The following OXNAD1 variants were observed in gnomAD, a reference collection of about 807,000 sequenced individuals.
The protein encoded by OXNAD1 is oxidoreductase NAD-binding domain-containing protein 1.
In OXNAD1, 34 loss-of-function variants were observed where a neutral mutation model predicts 32.9. The ratio of observed to expected loss-of-function variants is 1.03; its 90% CI spans 0.79 to 1.38. OXNAD1 has a LOEUF of 1.38. Among genes scored for constraint, OXNAD1 ranks in the 40% most tolerant of loss-of-function variants. The pLI is 0.00. For synonymous variants in OXNAD1, 134 were observed against 135.2 expected (o/e 0.99, Z 0.06); for missense variants, 407 against 379.4 (o/e 1.07, Z -0.60).
Position 16,288,620 on chromosome 3 carries a change from T to C in OXNAD1, c.290+2172T>C, listed in dbSNP as rs974428428. Among the ~76,000 whole-genome samples, 5 of 152,172 alleles carry C rather than the reference T, an allele frequency of 3.3e-5. No individual in the cohort carries two copies. Among genetic ancestry groups the C allele is most frequent in the African/African-American group, 4.8e-5 (2 of 41,428 alleles). On this transcript the variant is annotated intron_variant, in intron 5 of 8. Transcript: ENST00000285083. The surrounding 1 kb of genome is among the most constrained non-coding windows in gnomAD (Gnocchi z 5.1). Reference sequence around the variant, plus strand: ...GCCTTGCAGAGAGGGCTGGTTCCTGTAGCAATAAACCAGTTCCAAGAACTG... The same window carrying C: ...GCCTTGCAGAGAGGGCTGGTTCCTGCAGCAATAAACCAGTTCCAAGAACTG...
intron 5 of OXNAD1, 119 bp downstream of exon 5, chr3:16,286,567 C>A: frequency 1.3e-6 from 1 of 782,016 alleles, no homozygotes. Context: ...AATTCTAAAT[C>A]ATATCTGCTC....
At chr3:16,338,031 G>C (rs530581497), downstream of OXNAD1, among the ~76,000 whole-genome samples, 40 of 152,224 alleles carry the variant, frequency 2.6e-4, no homozygotes, top group African/African-American at 9.6e-4. This position sits in a 1 kb window ranked among gnomAD's most constrained non-coding sequence, Gnocchi z 5.3. Flanking sequence ...TGTTGCCCTG[G>C]CTTCTCCTAA....
chr3:16,302,018 C>A lies in OXNAD1; in HGVS notation c.675+150C>A. The stretch of plus-strand genomic sequence containing the variant: ...ATGCTTAAATGAGAACTAACCAACA[C>A]ACCTTACCCAAGACAAGTAAAACTG... On this transcript the variant is annotated intron_variant, in intron 7 of 8. Coordinates refer to ENST00000285083, the MANE Select transcript of OXNAD1 (RefSeq NM_138381.5). This position sits in a 1 kb window ranked among gnomAD's most constrained non-coding sequence, Gnocchi z 4.2. The A allele has an allele frequency of 9.9e-7, 1 of 1,011,586 alleles. No homozygotes were observed. The highest frequency in any genetic ancestry group is 1.4e-6 in the Non-Finnish European group (1 of 709,172). 62.7% of individuals were successfully genotyped at this position (1,011,586 alleles called of 1,614,324 possible).
chr3:16,318,058 T>C (rs489956), intron 9 of OXNAD1, among the ~76,000 whole-genome samples: 88,551 of 151,992 alleles, frequency 0.58, 25,959 homozygotes, highest in African/African-American at 0.66. Context: ...AAGCATTTCC[T>C]GGTGTGACAG....
At chr3:16,283,755 G>T (rs2065902752) in intron 4 of OXNAD1, among the ~76,000 whole-genome samples, 1 of 152,176 alleles carries the variant, frequency 6.6e-6, no homozygotes, top group African/African-American at 2.4e-5. Flanking sequence ...TACAGAAGAA[G>T]TGAGAGAAGG....
At chr3:16,300,058 T>C (rs540572226) in intron 6 of OXNAD1, among the ~76,000 whole-genome samples, 1 of 152,300 alleles carries the variant, frequency 6.6e-6, no homozygotes, top group East Asian at 1.9e-4. Context: ...CTGGATTTCA[T>C]AGGGGCTATG....
chr3:16,340,932 T>TA, downstream of OXNAD1, among the ~76,000 whole-genome samples: 1 of 152,188 alleles, frequency 6.6e-6, no homozygotes. Flanking sequence ...TTATCCAAAA[T>TA]ATACAAAGAA....
At chr3:16,338,251 C>T (rs952339410), downstream of OXNAD1, among the ~76,000 whole-genome samples, 3 of 152,222 alleles carry the variant, frequency 2.0e-5, no homozygotes, top group African/African-American at 7.2e-5. This position sits in a 1 kb window ranked among gnomAD's most constrained non-coding sequence, Gnocchi z 5.3. Flanking sequence ...CCCACACACA[C>T]CTGCATGAGC....
chr3:16,316,749 A>G lies in OXNAD1; in HGVS notation c.*30+13157A>G, dbSNP rs189954009. The G allele has an allele frequency of 1.7e-4, 267 of 1,566,250 alleles. No individual in the cohort carries two copies. The East Asian group carries it at 5.8e-3, about 34-fold the overall frequency. ...GGTAGGTAACACACAACACCAGGGA[A>G]ACCAGCCCCCAAACCAGCTGTTGGT... On this transcript the variant is annotated intron_variant, in intron 9 of 9. Transcript: ENST00000435829. This position sits in a 1 kb window ranked among gnomAD's most constrained non-coding sequence, Gnocchi z 4.5.
chr3:16,337,331 A>G (rs1291377617), downstream of OXNAD1: 1 of 152,224 alleles, frequency 6.6e-6, no homozygotes, highest in African/African-American at 2.4e-5. The surrounding 1 kb of genome is among the most constrained non-coding windows in gnomAD (Gnocchi z 5.0). Flanking sequence ...TTAACTCACT[A>G]AGCTTTGGGG....
rs974603560 is a variant in OXNAD1 at position 16,287,978 on chromosome 3, G to C, written c.290+1530G>C. Among the ~76,000 whole-genome samples, 1 of 152,300 alleles carries C rather than the reference G, an allele frequency of 6.6e-6. No homozygotes were observed. The highest frequency in any genetic ancestry group is 2.4e-5 in the African/African-American group (1 of 41,556). ...CGGGTAAGGATCACTGGCTGGTAGT[G>C]TGTGACGCTTTCCCTCCCAGGTGTT... On this transcript the variant is annotated intron_variant, in intron 5 of 8. Coordinates refer to ENST00000285083, the MANE Select transcript of OXNAD1 (RefSeq NM_138381.5). This position sits in a 1 kb window ranked among gnomAD's most constrained non-coding sequence, Gnocchi z 4.8.
Position 16,335,523 on chromosome 3 carries a change from ACAC to A in OXNAD1, c.*31-1585_*31-1583del, listed in dbSNP as rs2070756497. The stretch of plus-strand genomic sequence containing the variant: ...AACTAACGCAGGAACAGAAAATCAA[ACAC>A]CACATGTTCTCACTTACAAGTGGGA... On this transcript the variant is annotated intron_variant, in intron 9 of 9. Transcript: ENST00000435829. The surrounding 1 kb of genome is among the most constrained non-coding windows in gnomAD (Gnocchi z 4.7). Among the ~76,000 whole-genome samples the A allele has an allele frequency of 6.6e-6, 1 of 152,222 alleles. No individual in the cohort carries two copies. Among genetic ancestry groups the A allele is most frequent in the Non-Finnish European group, 1.5e-5 (1 of 68,048 alleles).
downstream of OXNAD1, among the ~76,000 whole-genome samples, chr3:16,339,125 G>A (rs922007659): frequency 6.6e-6 from 1 of 152,174 alleles, no homozygotes; most frequent in Non-Finnish European, 1.5e-5. Context: ...GAAGGGATTG[G>A]GTAAGACATG....
intron 9 of OXNAD1, among the ~76,000 whole-genome samples, chr3:16,347,384 A>C (rs1332293520): frequency 6.6e-6 from 1 of 152,222 alleles, no homozygotes; most frequent in Non-Finnish European, 1.5e-5. Flanking sequence ...AGAAGTTCAA[A>C]ATCAGTATCA....
At chr3:16,338,902 A>C (rs1202286462), downstream of OXNAD1, among the ~76,000 whole-genome samples, 2 of 152,224 alleles carry the variant, frequency 1.3e-5, no homozygotes, top group Non-Finnish European at 1.5e-5. This position sits in a 1 kb window ranked among gnomAD's most constrained non-coding sequence, Gnocchi z 5.3. Context: ...AAAACTGTCA[A>C]CGTTGTCCCC....
At position 16,271,913 on chromosome 3, in the gene OXNAD1, A is replaced by C. The variant is rs143842993; in HGVS notation, c.183+191A>C. Among the ~76,000 whole-genome samples, 6 of 152,324 alleles carry C rather than the reference A, an allele frequency of 3.9e-5. No homozygotes were observed. The East Asian group carries it at 1.2e-3, about 29-fold the overall frequency. ...GATTTGAAAAGATGACAGATACTCA[A>C]ATTTTTCCCTTTAAACTTGGAATGA... On this transcript the variant is annotated intron_variant, in intron 4 of 8. Transcript: ENST00000285083. This position sits in a 1 kb window ranked among gnomAD's most constrained non-coding sequence, Gnocchi z 4.6.
Position 16,282,431 on chromosome 3 carries a change from G to T in OXNAD1, c.184-3911G>T, listed in dbSNP as rs145674114. ...TTTGTTCTGAAAAACCATTTTAAGTGACTTAAAGTTCAAGTTTTTATTCAT... is the reference window on the plus strand; with the variant it reads ...TTTGTTCTGAAAAACCATTTTAAGTTACTTAAAGTTCAAGTTTTTATTCAT... On this transcript the variant is annotated intron_variant, in intron 4 of 8. Coordinates refer to ENST00000285083, the MANE Select transcript of OXNAD1 (RefSeq NM_138381.5). 5.7e-3 allele frequency among the ~76,000 whole-genome samples: 859 copies of T among 151,638 alleles called. 7 individuals carry two copies. Among genetic ancestry groups the T allele is most frequent in the African/African-American group, 0.02 (812 of 41,332 alleles).
downstream of OXNAD1, among the ~76,000 whole-genome samples, chr3:16,350,784 G>A (rs1373374710): frequency 6.6e-6 from 1 of 152,128 alleles, no homozygotes; most frequent in Non-Finnish European, 1.5e-5. Context: ...ACAGGAAAAA[G>A]GCAGAGAACT....
chr3:16,313,913 G>T (rs1484925652), intron 9 of OXNAD1, among the ~76,000 whole-genome samples: 3 of 152,124 alleles, frequency 2.0e-5, no homozygotes, highest in Non-Finnish European at 4.4e-5. Context: ...GATTAGATAA[G>T]AATTCTTCTT....
Sources: allele counts gnomAD v4.1 joint callset (sites outside exome capture counted in the v4.1 genomes callset), GRCh38; gene constraint gnomAD v4.1.1; non-coding constraint Gnocchi (gnomAD v3.1); transcripts MANE v1.5; gene names NCBI Gene and HGNC (gene_info 2026-07-23, HGNC 2026-07-21).